The following RAPGEF4 variants were observed in gnomAD, a reference collection of about 807,000 sequenced individuals.
RAPGEF4 encodes Rap guanine nucleotide exchange factor 4.
Under a neutral mutation model 147.9 loss-of-function variants are expected in RAPGEF4, and 66 were observed. The observed-to-expected ratio is 0.45, with a 90% CI of 0.37 to 0.55. RAPGEF4 has a LOEUF of 0.55. RAPGEF4 is among the 20% of genes least tolerant of loss of function. The probability of loss-of-function intolerance (pLI) is 0.00; values close to 1 mark genes in which losing one functional copy is unlikely to be tolerated. For missense variants in RAPGEF4, 1,071 were observed against 1,257.3 expected, an observed-to-expected ratio of 0.85 and a Z score of 2.24; for synonymous variants, 419 against 442.7, an observed-to-expected ratio of 0.95 and a Z score of 0.67.
intron 4 of RAPGEF4, among the ~76,000 whole-genome samples, chr2:172,897,832 C>G (rs1698666147): frequency 1.3e-5 from 2 of 150,704 alleles, no homozygotes; most frequent in Non-Finnish European, 2.9e-5. Context: ...CACTTCATGT[C>G]TTAGCTTCAC....
chr2:173,017,490 G>T lies in RAPGEF4; in HGVS notation c.1994G>T (p.Arg665Leu). Reference protein sequence around the residue: ...DERAQKRQPIRGSDEVLFKVY... With the variant: ...DERAQKRQPILGSDEVLFKVY... ...AGAGCCCAGAAGCGCCAGCCTATCCGCGGCTCTGATGAAGGTGAGAACCCT... is the reference window on the plus strand; with the variant it reads ...AGAGCCCAGAAGCGCCAGCCTATCCTCGGCTCTGATGAAGGTGAGAACCCT... The change falls in exon 21 of 31, where the codon CGC becomes CTC. Residue 665 changes from arginine to leucine, a missense_variant. Coordinates refer to ENST00000397081, the MANE Select transcript of RAPGEF4 (RefSeq NM_007023.4). 1 of 1,613,856 alleles carries T rather than the reference G, an allele frequency of 6.2e-7. No homozygotes were observed. Among genetic ancestry groups the T allele is most frequent in the Non-Finnish European group, 8.5e-7 (1 of 1,179,780 alleles).
chr2:173,044,033 A>C (rs1164387707), intron 29 of RAPGEF4, among the ~76,000 whole-genome samples: 1 of 152,178 alleles, frequency 6.6e-6, no homozygotes, highest in African/African-American at 2.4e-5. Context: ...CATGAGAGGA[A>C]CAGTATACAG....
At chr2:172,976,679 T>A (rs1246253598) in intron 10 of RAPGEF4, among the ~76,000 whole-genome samples, 1 of 152,368 alleles carries the variant, frequency 6.6e-6, no homozygotes, top group South Asian at 2.1e-4. Context: ...ACTGGAATAT[T>A]TGCTTTCTTA....
chr2:173,011,997 T>C (rs956357521), intron 17 of RAPGEF4, among the ~76,000 whole-genome samples: 2 of 152,228 alleles, frequency 1.3e-5, no homozygotes, highest in Non-Finnish European at 2.9e-5. Context: ...CTTTGAGTGA[T>C]TCAAAATATG....
chr2:172,783,998 A>G (rs1421187251), intron 1 of RAPGEF4, among the ~76,000 whole-genome samples: 3 of 152,084 alleles, frequency 2.0e-5, no homozygotes, highest in Non-Finnish European at 4.4e-5. Context: ...CTTTTTAGAA[A>G]TTTCATCTGT....
chr2:172,943,302 G>C (rs1687354491), intron 6 of RAPGEF4, among the ~76,000 whole-genome samples: 1 of 152,132 alleles, frequency 6.6e-6, no homozygotes, highest in African/African-American at 2.4e-5. Flanking sequence ...GATCAGAATG[G>C]CTCTTTTTAG....
At chr2:172,793,763 G>A (rs1277668817) in intron 1 of RAPGEF4, among the ~76,000 whole-genome samples, 1 of 152,186 alleles carries the variant, frequency 6.6e-6, no homozygotes, top group Non-Finnish European at 1.5e-5. Flanking sequence ...TCTTAATCCA[G>A]AGGTTATGAA....
At chr2:172,919,879 C>T (rs1006390089) in intron 5 of RAPGEF4, among the ~76,000 whole-genome samples, 9 of 152,084 alleles carry the variant, frequency 5.9e-5, no homozygotes, top group East Asian at 1.9e-4. Context: ...TCCTTTCTCT[C>T]GCCATCACCC....
intron 6 of RAPGEF4, among the ~76,000 whole-genome samples, chr2:172,950,831 A>T (rs1688138787): frequency 6.6e-6 from 1 of 152,232 alleles, no homozygotes; most frequent in Non-Finnish European, 1.5e-5. Context: ...TAGAATGATG[A>T]CCTTATGATT....
intron 4 of RAPGEF4, among the ~76,000 whole-genome samples, chr2:172,909,528 T>A (rs1699908858): frequency 6.6e-6 from 1 of 152,038 alleles, no homozygotes. Context: ...CAGGGGGAAG[T>A]GCACCAGGGC....
intron 6 of RAPGEF4, among the ~76,000 whole-genome samples, chr2:172,950,583 A>C: frequency 6.6e-6 from 1 of 152,150 alleles, no homozygotes; most frequent in Non-Finnish European, 1.5e-5. Context: ...TGTTTATATA[A>C]TGAATTTGGT....
intron 4 of RAPGEF4, among the ~76,000 whole-genome samples, chr2:172,850,815 A>T (rs550334848): frequency 4.6e-5 from 7 of 152,222 alleles, no homozygotes; most frequent in African/African-American, 1.7e-4. Context: ...AAATTGAATT[A>T]TTTGGATCTT....
At chr2:172,873,363 A>G (rs1199799055) in intron 4 of RAPGEF4, among the ~76,000 whole-genome samples, 2 of 152,230 alleles carry the variant, frequency 1.3e-5, no homozygotes, top group South Asian at 2.1e-4. Context: ...AAGTTAATGT[A>G]TTAGAGAATA....
intron 4 of RAPGEF4, among the ~76,000 whole-genome samples, chr2:172,900,835 C>T (rs1340650214): frequency 6.6e-6 from 1 of 152,086 alleles, no homozygotes; most frequent in Non-Finnish European, 1.5e-5. Flanking sequence ...ACTCAAACAC[C>T]GTCCATAATG....
At chr2:172,969,556 C>T in intron 10 of RAPGEF4, among the ~76,000 whole-genome samples, 1 of 152,248 alleles carries the variant, frequency 6.6e-6, no homozygotes, top group East Asian at 1.9e-4. Flanking sequence ...AGTGTGAATA[C>T]ACAGTCCCAG....
Position 173,020,598 on chromosome 2 carries a change from C to T in RAPGEF4, c.2156-20C>T. 1 of 1,595,698 alleles carries T rather than the reference C, an allele frequency of 6.3e-7. No homozygotes were observed. Among genetic ancestry groups the T allele is most frequent in the Non-Finnish European group, 8.6e-7 (1 of 1,163,654 alleles). On this transcript the variant is annotated intron_variant, in intron 22 of 30. Transcript: ENST00000397081. Reference sequence around the variant, plus strand: ...CTCAGATGTATTTAATAGGCAATCTCATGCTTTTTATGTTCACAGAAAAGG... The same window carrying T: ...CTCAGATGTATTTAATAGGCAATCTTATGCTTTTTATGTTCACAGAAAAGG...
At chr2:172,921,577 T>C (rs1280058429) in intron 5 of RAPGEF4, among the ~76,000 whole-genome samples, 1 of 152,194 alleles carries the variant, frequency 6.6e-6, no homozygotes, top group Non-Finnish European at 1.5e-5. Context: ...CTCCTCTGTA[T>C]AAGGTCACAG....
At chr2:172,786,193 G>A (rs1401546355) in intron 1 of RAPGEF4, among the ~76,000 whole-genome samples, 1 of 152,082 alleles carries the variant, frequency 6.6e-6, no homozygotes, top group Non-Finnish European at 1.5e-5. Context: ...GACAGCACCT[G>A]GAATCCAGAA....
rs1380452192 is a variant in RAPGEF4, at chr2:173,035,440, G to A, written c.2701-685G>A. Among the ~76,000 whole-genome samples, 4 of 151,610 alleles carry A rather than the reference G, an allele frequency of 2.6e-5. No individual in the cohort carries two copies. The East Asian group carries it at 7.8e-4, about 29-fold the overall frequency. On this transcript the variant is annotated intron_variant, in intron 27 of 30. Transcript: ENST00000397081. ...GCAGGAGAATGGCGTGAACTCGGGA[G>A]GCAGAGCTTGCAGTGAGCGGAGATC...
Sources: allele counts gnomAD v4.1 joint callset (sites outside exome capture counted in the v4.1 genomes callset), GRCh38; gene constraint gnomAD v4.1.1; transcripts MANE v1.5; gene names NCBI Gene and HGNC (gene_info 2026-07-23, HGNC 2026-07-21).